The following TPST1 variants were observed in gnomAD, a reference collection of about 807,000 sequenced individuals.
TPST1 encodes tyrosylprotein sulfotransferase 1, also known as protein-tyrosine sulfotransferase 1.
A neutral mutation model predicts 34.8 loss-of-function variants in TPST1; 20 were observed. The ratio of observed to expected loss-of-function variants is 0.57; its 90% CI spans 0.40 to 0.84. The LOEUF is 0.84. TPST1 is among the 40% of genes least tolerant of loss of function. The pLI is 0.00. For synonymous variants in TPST1, 152 were observed against 159.4 expected (o/e 0.95, Z 0.35); for missense variants, 353 against 455.5 (o/e 0.78, Z 2.05).
chr7:66,318,624 G>A (rs777526796), intron 3 of TPST1, among the ~76,000 whole-genome samples: 31 of 151,970 alleles, frequency 2.0e-4, no homozygotes, highest in South Asian at 4.2e-4. Context: ...CCGCCACCAC[G>A]CCTGGCCAAT....
intron 3 of TPST1, among the ~76,000 whole-genome samples, chr7:66,345,389 A>C (rs375966678): frequency 6.6e-6 from 1 of 150,466 alleles, no homozygotes; most frequent in Admixed American, 6.6e-5. Context: ...GCTACTCAAG[A>C]GACTGAGGCA....
intron 1 of TPST1, among the ~76,000 whole-genome samples, chr7:66,222,622 T>G (rs1261026043): frequency 1.3e-5 from 2 of 151,932 alleles, no homozygotes; most frequent in Non-Finnish European, 2.9e-5. Flanking sequence ...TGAGGAGATA[T>G]GTGTAAAAGA....
chr7:66,359,855 G>C (rs776693471), intron 5 of TPST1, 40 bp from the exon 6 acceptor site: 4 of 456,344 alleles, frequency 8.8e-6, no homozygotes, highest in Non-Finnish European at 1.8e-5. Context: ...AACACACCGG[G>C]ACTCCACACC....
At chr7:66,201,269 C>T (rs758655040), upstream of TPST1, among the ~76,000 whole-genome samples, 1 of 150,616 alleles carries the variant, frequency 6.6e-6, no homozygotes, top group South Asian at 2.1e-4. Context: ...CCAGGCCAGG[C>T]GTGATGGCTC....
intron 1 of TPST1, among the ~76,000 whole-genome samples, chr7:66,239,488 A>G (rs953502424): frequency 6.6e-6 from 1 of 152,258 alleles, no homozygotes; most frequent in African/African-American, 2.4e-5. Context: ...GTTGGTCCTC[A>G]GTCGAGCCTA....
intron 3 of TPST1, among the ~76,000 whole-genome samples, chr7:66,297,652 G>C (rs1460182915): frequency 6.6e-6 from 1 of 152,204 alleles, no homozygotes; most frequent in African/African-American, 2.4e-5. Context: ...CCAAGGTGCA[G>C]AACCCACAGT....
At chr7:66,295,192 A>G (rs900075744) in intron 3 of TPST1, among the ~76,000 whole-genome samples, 2 of 152,154 alleles carry the variant, frequency 1.3e-5, no homozygotes, top group African/African-American at 2.4e-5. Flanking sequence ...TTTGATATCT[A>G]TTGATACTAA....
At chr7:66,296,391 A>G (rs565216208) in intron 3 of TPST1, among the ~76,000 whole-genome samples, 96 of 151,998 alleles carry the variant, frequency 6.3e-4, no homozygotes, top group Admixed American at 1.4e-3. Context: ...TTGTGAGGGT[A>G]GGTTTCATAA....
In TPST1 at chr7:66,212,457, TTTTTTC is replaced by T. The variant is rs1322986670; in HGVS notation, c.-102+6941_-102+6946del. On this transcript the variant is annotated intron_variant, in intron 1 of 5. Transcript: ENST00000304842. ...ATTGATATCAGTGTATTTTCTTTTC[TTTTTTC>T]TTTTTTTTTTTTTTGAGACAGAGTC... Among the ~76,000 whole-genome samples the T allele has an allele frequency of 9.6e-3, 273 of 28,402 alleles. 4 individuals are homozygous for T. Among genetic ancestry groups the T allele is most frequent in the African/African-American group, 0.025 (121 of 4,796 alleles). 18.6% of individuals were successfully genotyped at this position (28,402 alleles called of 152,430 possible).
intron 3 of TPST1, among the ~76,000 whole-genome samples, chr7:66,312,125 C>T (rs1386181304): frequency 2.0e-5 from 3 of 152,196 alleles, no homozygotes; most frequent in East Asian, 3.8e-4. Flanking sequence ...TTCAGAATTT[C>T]GTACATTTTA....
At chr7:66,276,944 T>C (rs377617344) in intron 2 of TPST1, among the ~76,000 whole-genome samples, 4 of 152,312 alleles carry the variant, frequency 2.6e-5, no homozygotes, top group African/African-American at 9.6e-5. Flanking sequence ...GGAGGAGGAA[T>C]AGTTCAAGCT....
At chr7:66,248,240 C>T (rs1669471432) in intron 2 of TPST1, among the ~76,000 whole-genome samples, 1 of 151,868 alleles carries the variant, frequency 6.6e-6, no homozygotes, top group South Asian at 2.1e-4. Context: ...TGCCTTCAGA[C>T]TTCTCTTATT....
At chr7:66,269,088 G>A (rs1790647667) in intron 2 of TPST1, among the ~76,000 whole-genome samples, 1 of 152,188 alleles carries the variant, frequency 6.6e-6, no homozygotes, top group Non-Finnish European at 1.5e-5. Flanking sequence ...TAGATGGAGA[G>A]CTTCAGTAGG....
intron 2 of TPST1, among the ~76,000 whole-genome samples, chr7:66,250,075 T>C (rs1790232079): frequency 6.6e-6 from 1 of 152,230 alleles, no homozygotes. Flanking sequence ...GTCTCCATTT[T>C]CTTATCTATA....
At chr7:66,317,315 A>G (rs1291198662) in intron 3 of TPST1, among the ~76,000 whole-genome samples, 1 of 152,180 alleles carries the variant, frequency 6.6e-6, no homozygotes, top group Non-Finnish European at 1.5e-5. Flanking sequence ...CTCTCTTATT[A>G]GTCTTTTCAA....
At chr7:66,249,964 G>A (rs1332364182) in intron 2 of TPST1, among the ~76,000 whole-genome samples, 1 of 152,178 alleles carries the variant, frequency 6.6e-6, no homozygotes, top group African/African-American at 2.4e-5. Context: ...CTTGGCAAAT[G>A]GAAAAGGGTT....
intron 3 of TPST1, among the ~76,000 whole-genome samples, chr7:66,299,125 CAAA>C (rs34928553): frequency 7.3e-6 from 1 of 137,414 alleles, no homozygotes; most frequent in Non-Finnish European, 1.6e-5. Flanking sequence ...GACACCGTCT[CAAA>C]AAAAAAAAAA....
At chr7:66,216,418 A>T (rs1789410596) in intron 1 of TPST1, among the ~76,000 whole-genome samples, 1 of 147,654 alleles carries the variant, frequency 6.8e-6, no homozygotes, top group South Asian at 2.1e-4. Context: ...TATTTATTTC[A>T]CTGTAGTCTT....
At chr7:66,231,110 CCAGAGCAGCTAGATA>C (rs1283911506) in intron 1 of TPST1, among the ~76,000 whole-genome samples, 5 of 152,126 alleles carry the variant, frequency 3.3e-5, no homozygotes, top group Non-Finnish European at 7.3e-5. Context: ...CAAGGCCCCA[CCAGAGCAGCTAGATA>C]CAGAGTGTCG....
Sources: gnomAD v4.1 joint callset for allele counts (sites outside exome capture counted in the v4.1 genomes callset) on GRCh38, gnomAD v4.1.1 for gene constraint, MANE v1.5 for transcripts, NCBI Gene and HGNC (gene_info 2026-07-23, HGNC 2026-07-21) for gene names.